MAGI2: variants seen among roughly 807,000 people sequenced by gnomAD.
The protein encoded by MAGI2 is membrane-associated guanylate kinase, WW and PDZ domain-containing protein 2.
MAGI2 carries 35 observed loss-of-function variants against 133.3 expected under a neutral mutation model. That is an observed-to-expected ratio of 0.26 (90% CI 0.20 to 0.35). The LOEUF (loss-of-function observed/expected upper bound fraction) is 0.35. Ranked by LOEUF, MAGI2 falls within the 10% of genes least tolerant of loss-of-function variation. The pLI, the probability that MAGI2 is intolerant of heterozygous loss-of-function variation, is 1.00. For missense variants in MAGI2, 1,636 were observed against 1,863.4 expected (o/e 0.88, Z 2.25); for synonymous variants, 729 against 710.6 (o/e 1.03, Z -0.41).
intron 2 of MAGI2, among the ~76,000 whole-genome samples, chr7:78,715,847 A>ATTTTGTATTTTGTCTTTTGT (rs59543870): frequency 6.6e-6 from 1 of 151,296 alleles, no homozygotes; most frequent in African/African-American, 2.4e-5. Flanking sequence ...ATAAATACAA[A>ATTTTGTATTTTGTCTTTTGT]ATATAAGTCC....
chr7:79,408,605 G>A (rs750550243), intron 1 of MAGI2, among the ~76,000 whole-genome samples: 3 of 152,080 alleles, frequency 2.0e-5, no homozygotes, highest in Non-Finnish European at 4.4e-5. Context: ...TGCAATATGT[G>A]CATCAAAAGT....
chr7:78,395,449 T>G (rs1300180495), intron 6 of MAGI2, among the ~76,000 whole-genome samples: 3 of 152,164 alleles, frequency 2.0e-5, no homozygotes, highest in Non-Finnish European at 4.4e-5. Flanking sequence ...CAGAATTCCT[T>G]TGTCTTCATC....
chr7:78,368,409 G>A (rs1442758077), intron 7 of MAGI2, among the ~76,000 whole-genome samples: 1 of 152,094 alleles, frequency 6.6e-6, no homozygotes, highest in Non-Finnish European at 1.5e-5. Flanking sequence ...TTTCCCATAA[G>A]GAATATGTAG....
At chr7:79,432,560 A>G (rs1311613400) in intron 1 of MAGI2, among the ~76,000 whole-genome samples, 5 of 152,198 alleles carry the variant, frequency 3.3e-5, no homozygotes, top group Admixed American at 1.3e-4. Context: ...TTTCCACTAC[A>G]TGGTAGGTCA....
chr7:78,756,055 G>A (rs775215606), intron 2 of MAGI2, among the ~76,000 whole-genome samples: 5 of 152,128 alleles, frequency 3.3e-5, no homozygotes, highest in Non-Finnish European at 7.3e-5. Flanking sequence ...ACTATAGGAA[G>A]AATGTAACTT....
chr7:78,529,667 G>GTTTTT lies in MAGI2; in HGVS notation c.539-8023_539-8022insAAAAA, dbSNP rs1563128653. ...TTTTCTTTTCCTTGCTAAAGGAGAT[G>GTTTTT]GTTTTTTTTTTTTTTTTTTTTTTTT... On this transcript the variant is annotated intron_variant, in intron 3 of 21. Transcript: ENST00000354212. Among the ~76,000 whole-genome samples the GTTTTT allele has an allele frequency of 1.5e-3, 86 of 56,322 alleles. 1 individual carries two copies. The highest frequency in any genetic ancestry group is 5.1e-3 in the African/African-American group (79 of 15,438). The allele number at this position is 56,322 out of a possible 152,430, so 36.9% of individuals were successfully genotyped here.
At chr7:78,925,788 A>C (rs1281831914) in intron 2 of MAGI2, among the ~76,000 whole-genome samples, 1 of 152,026 alleles carries the variant, frequency 6.6e-6, no homozygotes, top group Non-Finnish European at 1.5e-5. Flanking sequence ...ATTTAAATAA[A>C]TTAGTAAATA....
intron 9 of MAGI2, among the ~76,000 whole-genome samples, chr7:78,265,087 T>C (rs932426263): frequency 1.3e-5 from 2 of 152,214 alleles, no homozygotes; most frequent in Non-Finnish European, 2.9e-5. Flanking sequence ...CTTGTTTTTT[T>C]TTTTTAAATT....
chr7:78,946,560 T>C (rs984304696), intron 2 of MAGI2: 6 of 152,212 alleles, frequency 3.9e-5, no homozygotes, highest in Non-Finnish European at 7.3e-5. Context: ...TCTAAGTGTA[T>C]TGAAATTGTA....
intron 1 of MAGI2, among the ~76,000 whole-genome samples, chr7:79,244,928 T>C (rs1211915723): frequency 6.6e-6 from 1 of 152,200 alleles, no homozygotes; most frequent in East Asian, 1.9e-4. Context: ...CACAGTAGGA[T>C]AGAGCAACAG....
At chr7:79,013,646 G>A (rs977532698) in intron 1 of MAGI2, among the ~76,000 whole-genome samples, 8 of 152,204 alleles carry the variant, frequency 5.3e-5, no homozygotes, top group Non-Finnish European at 1.0e-4. Context: ...ATCTAATCTA[G>A]CCTGCCAGAA....
intron 9 of MAGI2, among the ~76,000 whole-genome samples, chr7:78,294,766 C>G (rs1176738967): frequency 6.6e-6 from 1 of 152,104 alleles, no homozygotes; most frequent in Non-Finnish European, 1.5e-5. Context: ...CGATGATGGC[C>G]ACAATACACG....
chr7:79,349,920 G>A (rs921977919), intron 1 of MAGI2, among the ~76,000 whole-genome samples: 5 of 151,832 alleles, frequency 3.3e-5, no homozygotes, highest in African/African-American at 4.8e-5. Context: ...AAGAATACTC[G>A]CCACCCTCAC....
At chr7:78,560,910 G>A (rs1355383942) in intron 3 of MAGI2, among the ~76,000 whole-genome samples, 1 of 152,132 alleles carries the variant, frequency 6.6e-6, no homozygotes, top group Non-Finnish European at 1.5e-5. Context: ...GATTTATAAA[G>A]ATTTTAGGTT....
chr7:78,502,209 T>C (rs933158806), intron 4 of MAGI2, among the ~76,000 whole-genome samples: 6 of 152,190 alleles, frequency 3.9e-5, no homozygotes, highest in Non-Finnish European at 8.8e-5. Flanking sequence ...CTCATCTGGA[T>C]GATTATGATT....
chr7:78,138,271 G>A (rs781554108), intron 16 of MAGI2, among the ~76,000 whole-genome samples: 5 of 152,170 alleles, frequency 3.3e-5, no homozygotes, highest in Non-Finnish European at 7.4e-5. Context: ...CTGATTCAAG[G>A]ATGAGTGGAA....
intron 10 of MAGI2, among the ~76,000 whole-genome samples, chr7:78,226,615 C>T (rs1205837131): frequency 1.3e-5 from 2 of 152,214 alleles, no homozygotes; most frequent in South Asian, 2.1e-4. Flanking sequence ...AATTATATTT[C>T]CTCTCTTAAA....
intron 3 of MAGI2, among the ~76,000 whole-genome samples, chr7:78,545,227 T>C (rs1798732725): frequency 6.8e-6 from 1 of 147,750 alleles, no homozygotes; most frequent in Admixed American, 6.8e-5. Context: ...TTTTTTTTTT[T>C]TTTTTTTGAG....
intron 3 of MAGI2, among the ~76,000 whole-genome samples, chr7:78,536,402 G>A (rs948023141): frequency 2.6e-5 from 4 of 151,986 alleles, no homozygotes; most frequent in East Asian, 1.9e-4. Context: ...GTGAGCCACC[G>A]CGCCCGGCCG....
Sources: allele counts gnomAD v4.1 joint callset (sites outside exome capture counted in the v4.1 genomes callset), GRCh38; gene constraint gnomAD v4.1.1; transcripts MANE v1.5; gene names NCBI Gene and HGNC (gene_info 2026-07-23, HGNC 2026-07-21).